The following CABIN1 variants were observed in gnomAD, a reference collection of about 807,000 sequenced individuals.
CABIN1 encodes calcineurin-binding protein cabin-1.
A neutral mutation model predicts 227.7 loss-of-function variants in CABIN1; 133 were observed. The observed-to-expected ratio is 0.58, with a 90% confidence interval of 0.51 to 0.67. The LOEUF (loss-of-function observed/expected upper bound fraction) is 0.67. Ranked by LOEUF, CABIN1 falls within the 30% of genes least tolerant of loss-of-function variation. The pLI is 0.00. For synonymous variants in CABIN1, 1,086 were observed against 1,155.1 expected, an observed-to-expected ratio of 0.94 and a Z score of 1.21; for missense variants, 2,408 against 2,852.5, an observed-to-expected ratio of 0.84 and a Z score of 3.55.
chr22:24,014,267 ATTAT>A (rs2035066154), intron 1 of CABIN1, among the ~76,000 whole-genome samples: 1 of 151,970 alleles, frequency 6.6e-6, no homozygotes, highest in African/African-American at 2.4e-5. Flanking sequence ...TATTTATTTG[ATTAT>A]TTATGTGTCA....
chr22:24,173,951 G>T (rs993342519), intron 34 of CABIN1, among the ~76,000 whole-genome samples: 11 of 151,526 alleles, frequency 7.3e-5, no homozygotes, highest in African/African-American at 2.7e-4. Context: ...TGCAGGATTT[G>T]GAATGCTGCT....
chr22:24,167,064 C>A lies in CABIN1; in HGVS notation c.5433C>A (p.Thr1811=). 6.5e-7 allele frequency: 1 copy of A among 1,545,176 alleles called. No individual in the cohort carries two copies. Among genetic ancestry groups the A allele is most frequent in the Non-Finnish European group, 8.7e-7 (1 of 1,145,078 alleles). Residue 1811 remains threonine, a synonymous_variant, in exon 32 of 37, where the codon ACC becomes ACA. Coordinates refer to ENST00000263119, the MANE Select transcript of CABIN1 (RefSeq NM_012295.4). Reference sequence around the variant, plus strand: ...GCATCAGTGCCCGGCAGCAGCCCACCCCGCTCACCCCAGCCCAGCCAGCCC... The same window carrying A: ...GCATCAGTGCCCGGCAGCAGCCCACACCGCTCACCCCAGCCCAGCCAGCCC... ...ELSISARQQP[T]PLTPAQPAPA... is the part of the protein sequence containing the mutation.
At chr22:24,105,788 G>C (rs1336529436) in intron 26 of CABIN1, among the ~76,000 whole-genome samples, 2 of 152,230 alleles carry the variant, frequency 1.3e-5, no homozygotes, top group African/African-American at 4.8e-5. Context: ...CAGAAAAACA[G>C]CTTGACTCTG....
intron 1 of CABIN1, among the ~76,000 whole-genome samples, chr22:24,024,581 C>T (rs2035948360): frequency 6.6e-6 from 1 of 152,140 alleles, no homozygotes; most frequent in African/African-American, 2.4e-5. Flanking sequence ...GAGGAGTTTT[C>T]AGCCATTATT....
intron 28 of CABIN1, among the ~76,000 whole-genome samples, chr22:24,130,047 C>T (rs753464645): frequency 1.3e-5 from 2 of 152,238 alleles, no homozygotes; most frequent in African/African-American, 2.4e-5. Flanking sequence ...TATGCTTCTA[C>T]GATTCTTTGC....
At chr22:24,113,000 G>C (rs1454788461) in intron 26 of CABIN1, among the ~76,000 whole-genome samples, 1 of 152,196 alleles carries the variant, frequency 6.6e-6, no homozygotes, top group Non-Finnish European at 1.5e-5. Context: ...AAGGTCCGAA[G>C]AAGGCAGCCA....
chr22:24,036,020 T>C, intron 2 of CABIN1, 69 bp from the exon 3 acceptor site: 1 of 979,904 alleles, frequency 1.0e-6, no homozygotes, highest in East Asian at 2.4e-5. Context: ...TGTATTCATC[T>C]GTGGGTATTT....
chr22:24,051,959 A>C (rs1210704756), intron 8 of CABIN1, among the ~76,000 whole-genome samples: 5 of 151,940 alleles, frequency 3.3e-5, no homozygotes, highest in African/African-American at 7.3e-5. Context: ...GGCCAGGAAG[A>C]AAGGGCTGTT....
chr22:24,047,235 T>G (rs12485146), intron 6 of CABIN1, among the ~76,000 whole-genome samples: 8,642 of 152,192 alleles, frequency 0.057, 313 homozygotes, highest in East Asian at 0.15. Flanking sequence ...AACAAAAAAT[T>G]AAAGCAGCAT....
At chr22:24,133,183 G>C (rs1382273442) in intron 28 of CABIN1, among the ~76,000 whole-genome samples, 1 of 152,200 alleles carries the variant, frequency 6.6e-6, no homozygotes, top group Admixed American at 6.5e-5. Flanking sequence ...TCCCTGCCCA[G>C]TGTTCAGGAG....
At chr22:24,073,272 TG>T (rs1484775573) in intron 18 of CABIN1, among the ~76,000 whole-genome samples, 1 of 152,232 alleles carries the variant, frequency 6.6e-6, no homozygotes, top group Non-Finnish European at 1.5e-5. Context: ...TTTGTTTTCT[TG>T]CATTTGCTGT....
chr22:24,053,328 G>A (rs1462587492), intron 8 of CABIN1, among the ~76,000 whole-genome samples: 4 of 150,634 alleles, frequency 2.7e-5, no homozygotes, highest in African/African-American at 7.3e-5. Context: ...TGCCCGCCTC[G>A]GCCTCCCAAA....
In CABIN1 at chr22:24,177,364, A is replaced by C; in HGVS notation, c.6206-140A>C. On this transcript the variant is annotated intron_variant, in intron 35 of 36. Coordinates refer to ENST00000263119, the MANE Select transcript of CABIN1 (RefSeq NM_012295.4). This position sits in a 1 kb window ranked among gnomAD's most constrained non-coding sequence, Gnocchi z 4.4. ...CCTGAGCCAAGTATTTGCCCAGGGT[A>C]GAAGCCTTGGAGCCTGCCAGCCAGC... 1 of 736,374 alleles carries C rather than the reference A, an allele frequency of 1.4e-6. No individual in the cohort carries two copies. Among genetic ancestry groups the C allele is most frequent in the Non-Finnish European group, 2.2e-6 (1 of 459,340 alleles). 45.6% of individuals were successfully genotyped at this position (736,374 alleles called of 1,614,324 possible). A position where few individuals can be genotyped will look rare whatever the true frequency, so the allele number is the denominator to read the frequency against.
At chr22:24,063,896 C>CTT in intron 14 of CABIN1, 139 bp from the exon 15 acceptor site, 3 of 981,000 alleles carry the variant, frequency 3.1e-6, no homozygotes, top group Admixed American at 3.4e-5. Flanking sequence ...CCAGGCCTTT[C>CTT]TTAGGGGGGT....
intron 18 of CABIN1, among the ~76,000 whole-genome samples, chr22:24,073,919 C>A (rs1355136587): frequency 6.6e-6 from 1 of 152,152 alleles, no homozygotes; most frequent in Non-Finnish European, 1.5e-5. Flanking sequence ...CACTATTGAA[C>A]CATCCCCGCT....
chr22:24,050,722 A>G, intron 7 of CABIN1, 103 bp from the exon 8 acceptor site: 3 of 1,396,438 alleles, frequency 2.1e-6, no homozygotes, highest in Non-Finnish European at 3.0e-6. Flanking sequence ...GAAGAAAAAT[A>G]CACATTAAAA....
In CABIN1 at chr22:24,038,400, A is replaced by C. The variant is rs776096239; in HGVS notation, c.149A>C (p.Asp50Ala). The C allele has an allele frequency of 4.3e-6, 7 of 1,613,962 alleles. No individual in the cohort carries two copies. The highest frequency in any genetic ancestry group is 8.5e-7 in the Non-Finnish European group (1 of 1,180,002). ...AAGGCCCTTGATCTGCAGAAACATG[A>C]CCGGTTTGAGGAGTCTGCCAAAGCC... is the stretch of plus-strand genomic sequence containing the variant. ...YHKALDLQKH[D>A]RFEESAKAYH... The change falls in exon 4 of 37, where the codon GAC (aspartate) becomes GCC (alanine). Residue 50 changes from aspartate to alanine, a missense_variant. By Grantham distance (126) the Asp-to-Ala change is moderately radical. Transcript: ENST00000263119.
At chr22:24,125,434 A>G (rs1366065241) in intron 28 of CABIN1, among the ~76,000 whole-genome samples, 2 of 152,214 alleles carry the variant, frequency 1.3e-5, no homozygotes, top group African/African-American at 4.8e-5. Flanking sequence ...CGTAGAAGCC[A>G]GGACTATCGT....
chr22:24,096,010 A>G lies in CABIN1; in HGVS notation c.3866A>G (p.Asn1289Ser). ...GGGGTTGGTGCAGAGGTCCTGGTCA[A>G]CTTTATGAAGGAGGCTGCAGAAGGA... ...DSGVGAEVLV[N>S]FMKEAAEGPF... The change falls in exon 25 of 37, where the codon AAC becomes AGC. Residue 1289 changes from asparagine to serine, a missense_variant. By Grantham distance (46) the Asn-to-Ser change is conservative. Around this residue, in one of 3 missense-constraint regions of CABIN1, gnomAD observed 649 missense variants for 910.3 expected, o/e 0.71. Transcript: ENST00000263119. 6.2e-7 allele frequency: 1 copy of G among 1,614,150 alleles called. No homozygotes were observed. The highest frequency in any genetic ancestry group is 1.1e-5 in the South Asian group (1 of 91,080).
Sources: allele counts gnomAD v4.1 joint callset (sites outside exome capture counted in the v4.1 genomes callset), GRCh38; gene constraint gnomAD v4.1.1; regional missense constraint gnomAD v4.1.1; non-coding constraint Gnocchi (gnomAD v3.1); transcripts MANE v1.5; gene names NCBI Gene and HGNC (gene_info 2026-07-23, HGNC 2026-07-21).